Variants in UGT1A3 observed in about 807,000 individuals in gnomAD.
The protein encoded by UGT1A3 is UDP glucuronosyltransferase family 1 member A3, also known as UDP-glucuronosyltransferase 1A3.
Under a neutral mutation model 41.0 loss-of-function variants are expected in UGT1A3, and 31 were observed. That is an observed-to-expected ratio of 0.76 (90% CI 0.57 to 1.02). UGT1A3 has a LOEUF of 1.02. Among genes scored for constraint, UGT1A3 ranks in the 50% least tolerant of loss-of-function variants. The pLI is 0.00. For missense variants in UGT1A3, 737 were observed against 671.0 expected (o/e 1.10, Z -1.09); for synonymous variants, 262 against 257.6 (o/e 1.02, Z -0.17).
intron 2 of UGT1A3, among the ~76,000 whole-genome samples, chr2:233,767,480 G>T (rs1699402121): frequency 6.6e-6 from 1 of 152,144 alleles, no homozygotes; most frequent in South Asian, 2.1e-4. Flanking sequence ...ATATTAAATA[G>T]AAGTATTTCT....
At chr2:233,730,985 T>C (rs766907684) in intron 1 of UGT1A3, among the ~76,000 whole-genome samples, 61 of 152,340 alleles carry the variant, frequency 4.0e-4, no homozygotes, top group Admixed American at 5.9e-4. Flanking sequence ...TATTGTTTCT[T>C]ATTCCTTGCT....
At position 233,729,914 on chromosome 2, in the gene UGT1A3, T is replaced by G. The variant is rs774517230; in HGVS notation, c.788T>G (p.Met263Arg). 1 of 1,614,026 alleles carries G rather than the reference T, an allele frequency of 6.2e-7. No homozygotes were observed. The change falls in exon 1 of 5, where the codon ATG becomes AGG. Residue 263 changes from methionine (M) to arginine (R), a missense_variant. Transcript: ENST00000482026. ...TGGCTGTTCCGAGGGGACTTTGTGA[T>G]GGACTACCCCAGGCCAATCATGCCC... is the stretch of plus-strand genomic sequence containing the variant. ...SVWLFRGDFV[M>R]DYPRPIMPNM... is the part of the protein sequence containing the mutation.
Position 233,729,418 on chromosome 2 carries a change from C to CG in UGT1A3, c.292_293insG (p.Gln98ArgfsTer5). ...TGATCGCCATGTGCTGGGCCACACTCAACTGTACTTTGAAACAGAACATTT... is the reference window on the plus strand; with the variant it reads ...TGATCGCCATGTGCTGGGCCACACTCGAACTGTACTTTGAAACAGAACATTT... On this transcript the variant is annotated frameshift_variant, in exon 1 of 5. Transcript: ENST00000482026. LOFTEE classifies it high-confidence loss of function. 6.2e-7 allele frequency: 1 copy of CG among 1,613,756 alleles called. No individual in the cohort carries two copies. Among genetic ancestry groups the CG allele is most frequent in the South Asian group, 1.1e-5 (1 of 91,022 alleles).
intron 1 of UGT1A3, among the ~76,000 whole-genome samples, chr2:233,761,810 G>A (rs147752655): frequency 5.2e-4 from 79 of 152,328 alleles, no homozygotes; most frequent in African/African-American, 1.8e-3. Context: ...GAAAAGAACA[G>A]GAGAGGCTCC....
At chr2:233,754,914 A>G (rs755182850) in intron 1 of UGT1A3, 33 of 1,353,478 alleles carry the variant, frequency 2.4e-5, no homozygotes, top group Non-Finnish European at 3.2e-5. Flanking sequence ...AATATTCTCC[A>G]GCGGGTTTCC....
In UGT1A3 at chr2:233,729,445, C is replaced by G. The variant is rs375300323; in HGVS notation, c.319C>G (p.Leu107Val). ...TQLYFETEHF[L>V]KKFFRSMAML... ...ACTGTACTTTGAAACAGAACATTTT[C>G]TGAAGAAATTTTTCAGAAGTATGGC... The change falls in exon 1 of 5, where the codon CTG becomes GTG. Residue 107 changes from leucine to valine, a missense_variant. Coordinates refer to ENST00000482026, the MANE Select transcript of UGT1A3 (RefSeq NM_019093.4). 6.2e-7 allele frequency: 1 copy of G among 1,613,820 alleles called. No homozygotes were observed. Among genetic ancestry groups the G allele is most frequent in the African/African-American group, 1.3e-5 (1 of 74,924 alleles).
intron 1 of UGT1A3, among the ~76,000 whole-genome samples, chr2:233,762,315 G>C (rs565893517): frequency 6.6e-6 from 1 of 152,216 alleles, no homozygotes; most frequent in Non-Finnish European, 1.5e-5. Context: ...TTAATGGGTC[G>C]AGAGTAATCC....
intron 1 of UGT1A3, among the ~76,000 whole-genome samples, chr2:233,740,264 G>A (rs540642726): frequency 1.3e-5 from 2 of 151,992 alleles, no homozygotes; most frequent in Admixed American, 6.5e-5. Flanking sequence ...GATTGGTGGT[G>A]ATTGAAGTTA....
At chr2:233,747,194 T>C in intron 1 of UGT1A3, 2 of 1,604,420 alleles carry the variant, frequency 1.2e-6, no homozygotes, top group Non-Finnish European at 1.7e-6. Context: ...GACAGTCAGC[T>C]GTCCGTGTCT....
At chr2:233,767,781 T>A in intron 2 of UGT1A3, 68 bp from the exon 3 acceptor site, 1 of 1,613,388 alleles carries the variant, frequency 6.2e-7, no homozygotes, top group South Asian at 1.1e-5. Flanking sequence ...TTCTAGTTAG[T>A]ATAGCAGATT....
chr2:233,759,224 T>C (rs1471050247), intron 1 of UGT1A3, among the ~76,000 whole-genome samples: 1 of 152,116 alleles, frequency 6.6e-6, no homozygotes, highest in Non-Finnish European at 1.5e-5. Flanking sequence ...TTTATGCAAA[T>C]GAAGGATGGA....
chr2:233,754,878 C>G (rs1478307261), intron 1 of UGT1A3: 1 of 1,352,412 alleles, frequency 7.4e-7, no homozygotes, highest in Non-Finnish European at 9.9e-7. Context: ...GCTTCTGCTT[C>G]CCAGGGAGTT....
chr2:233,760,579 A>T lies in UGT1A3; in HGVS notation c.868-6455A>T. 1.2e-6 allele frequency: 2 copies of T among 1,614,220 alleles called. No homozygotes were observed. Among genetic ancestry groups the T allele is most frequent in the Non-Finnish European group, 1.7e-6 (2 of 1,180,050 alleles). On this transcript the variant is annotated intron_variant, in intron 1 of 4. Transcript: ENST00000482026. ...AGAGTCTTTTGTTAGTCTCGGGCATAATGTTTTTGAGAATGATTCTTTCCT... is the reference window on the plus strand; with the variant it reads ...AGAGTCTTTTGTTAGTCTCGGGCATTATGTTTTTGAGAATGATTCTTTCCT...
In UGT1A3 at chr2:233,747,894, T is replaced by C. The variant is rs576515200; in HGVS notation, c.867+17901T>C. 115 of 1,613,584 alleles carry C rather than the reference T, an allele frequency of 7.1e-5. 5 individuals are homozygous for C. In the South Asian group the frequency reaches 1.2e-3, roughly 17 times the overall value. On this transcript the variant is annotated intron_variant, in intron 1 of 4. Coordinates refer to ENST00000482026, the MANE Select transcript of UGT1A3 (RefSeq NM_019093.4). ...CCTGTCCTACCTTTGCCATGCTCTTTCTGCTCCTTATGCAAGCCTTGCCTC... is the reference window on the plus strand; with the variant it reads ...CCTGTCCTACCTTTGCCATGCTCTTCCTGCTCCTTATGCAAGCCTTGCCTC...
At chr2:233,760,284 C>G (rs752018052) in intron 1 of UGT1A3, 1 of 1,612,882 alleles carries the variant, frequency 6.2e-7, no homozygotes, top group Non-Finnish European at 8.5e-7. Context: ...GGAGCAAAGG[C>G]GCCATGGCTG....
At position 233,729,994 on chromosome 2, in the gene UGT1A3, G is replaced by T; in HGVS notation, c.867+1G>T. 10 of 1,613,954 alleles carry T rather than the reference G, an allele frequency of 6.2e-6. No homozygotes were observed. Among genetic ancestry groups the T allele is most frequent in the African/African-American group, 1.3e-5 (1 of 75,036 alleles). On this transcript the variant is annotated splice_donor_variant, in intron 1 of 4. Transcript: ENST00000482026. LOFTEE classifies it high-confidence loss of function. ...TGCCAACAGGAAGCCACTATCTCAG[G>T]TCTGTATTGGTGCCTTCATCCAATC...
At chr2:233,734,900 C>T (rs1027588472) in intron 1 of UGT1A3, among the ~76,000 whole-genome samples, 1 of 152,158 alleles carries the variant, frequency 6.6e-6, no homozygotes, top group Admixed American at 6.5e-5. Flanking sequence ...GATTTCTATT[C>T]TTTTACATTT....
intron 1 of UGT1A3, chr2:233,753,774 T>C (rs1695305556): frequency 6.6e-6 from 1 of 152,238 alleles, no homozygotes; most frequent in Admixed American, 6.5e-5. Flanking sequence ...TTGGAAACGC[T>C]TTTCTTTACA....
At chr2:233,734,042 CA>C (rs1279505010) in intron 1 of UGT1A3, among the ~76,000 whole-genome samples, 9 of 152,058 alleles carry the variant, frequency 5.9e-5, no homozygotes, top group Non-Finnish European at 1.5e-5. Context: ...ACCAACATGG[CA>C]CATGTATACA....
Sources: allele counts gnomAD v4.1 joint callset (sites outside exome capture counted in the v4.1 genomes callset), GRCh38; gene constraint gnomAD v4.1.1; transcripts MANE v1.5; gene names NCBI Gene and HGNC (gene_info 2026-07-23, HGNC 2026-07-21).